Variants in CDH12 observed in about 807,000 individuals in gnomAD.
The protein encoded by CDH12 is cadherin 12, also known as cadherin-12.
Under a neutral mutation model 74.1 loss-of-function variants are expected in CDH12, and 41 were observed. That is an observed-to-expected ratio of 0.55 (90% CI 0.43 to 0.72). CDH12 has a LOEUF of 0.72. Ranked by LOEUF, CDH12 falls within the 30% of genes least tolerant of loss-of-function variation. The probability of loss-of-function intolerance (pLI) is 0.00; values close to 1 mark genes in which losing one functional copy is unlikely to be tolerated. For synonymous variants in CDH12, 399 were observed against 355.0 expected (o/e 1.12, Z -1.39); for missense variants, 945 against 977.2 (o/e 0.97, Z 0.44).
intron 3 of CDH12, among the ~76,000 whole-genome samples, chr5:22,284,926 A>C (rs2150409510): frequency 7.2e-6 from 1 of 138,060 alleles, no homozygotes; most frequent in African/African-American, 2.7e-5. Flanking sequence ...TAAAGGCAAA[A>C]GAGAAAAAAA....
intron 2 of CDH12, among the ~76,000 whole-genome samples, chr5:22,432,562 C>T (rs368352414): frequency 1.4e-4 from 21 of 149,342 alleles, no homozygotes; most frequent in African/African-American, 4.5e-4. Flanking sequence ...TGTGTGTGTG[C>T]GTGTGTGTGT....
At chr5:22,412,325 G>T (rs996565037) in intron 2 of CDH12, among the ~76,000 whole-genome samples, 3 of 152,020 alleles carry the variant, frequency 2.0e-5, no homozygotes, top group Non-Finnish European at 4.4e-5. Context: ...AACTGAATTA[G>T]ATTTCAAAGT....
At chr5:22,030,230 A>G (rs952528869) in intron 5 of CDH12, among the ~76,000 whole-genome samples, 25 of 152,092 alleles carry the variant, frequency 1.6e-4, no homozygotes, top group Admixed American at 1.6e-3. Context: ...TAACCTGCAC[A>G]TTGTACACAT....
intron 1 of CDH12, among the ~76,000 whole-genome samples, chr5:22,604,677 G>A (rs1311811905): frequency 6.6e-6 from 1 of 152,156 alleles, no homozygotes; most frequent in Non-Finnish European, 1.5e-5. Context: ...CTCTCATGTT[G>A]TGGGCCAAGG....
chr5:22,553,929 T>G (rs894161623), intron 1 of CDH12, among the ~76,000 whole-genome samples: 1 of 151,646 alleles, frequency 6.6e-6, no homozygotes, highest in East Asian at 1.9e-4. Flanking sequence ...AGTATAAACA[T>G]AAAAGAATAC....
chr5:21,889,595 C>G, intron 6 of CDH12: 2 of 985,386 alleles, frequency 2.0e-6, no homozygotes, highest in Non-Finnish European at 2.4e-6. Context: ...CTAAAGAAGC[C>G]TCTTTCCAGT....
chr5:22,349,171 G>T (rs963065636), intron 3 of CDH12, among the ~76,000 whole-genome samples: 3 of 152,108 alleles, frequency 2.0e-5, no homozygotes, highest in Admixed American at 2.0e-4. Flanking sequence ...ATCTACTGTT[G>T]CCTGATCTGG....
At chr5:22,851,587 T>C (rs1737559450) in intron 1 of CDH12, among the ~76,000 whole-genome samples, 1 of 152,116 alleles carries the variant, frequency 6.6e-6, no homozygotes, top group African/African-American at 2.4e-5. Context: ...GGAGAGACAG[T>C]TTCTAAATAT....
intron 4 of CDH12, among the ~76,000 whole-genome samples, chr5:22,099,353 G>A (rs916459092): frequency 2.6e-5 from 4 of 152,068 alleles, no homozygotes; most frequent in Non-Finnish European, 5.9e-5. Flanking sequence ...AAGGCAGAAC[G>A]GACTAATGAT....
chr5:22,366,397 A>C (rs2126323846), intron 3 of CDH12, among the ~76,000 whole-genome samples: 1 of 152,284 alleles, frequency 6.6e-6, no homozygotes, highest in East Asian at 1.9e-4. Context: ...TAAATATATA[A>C]ACAGACTGAT....
At chr5:22,675,273 T>C (rs1393038726) in intron 1 of CDH12, among the ~76,000 whole-genome samples, 2 of 152,170 alleles carry the variant, frequency 1.3e-5, no homozygotes, top group Non-Finnish European at 2.9e-5. Flanking sequence ...GGCCAACGTA[T>C]AGAGCTTGGG....
At chr5:22,794,294 T>C (rs1748075917) in intron 1 of CDH12, among the ~76,000 whole-genome samples, 1 of 152,214 alleles carries the variant, frequency 6.6e-6, no homozygotes, top group African/African-American at 2.4e-5. Context: ...ACCAGTTTTG[T>C]TAGCAGTGAA....
Position 21,764,977 on chromosome 5 carries a change from C to T in CDH12, c.1515+1G>A. On this transcript the variant is annotated splice_donor_variant, in intron 12 of 14. Coordinates refer to ENST00000382254, the MANE Select transcript of CDH12 (RefSeq NM_004061.5). LOFTEE classifies it high-confidence loss of function. ...CTCAAGGAACAATATTTATAAGATA[C>T]CTGTCCTGGCTTGGCATTTTCACAC... 1 of 1,613,632 alleles carries T rather than the reference C, an allele frequency of 6.2e-7. No individual in the cohort carries two copies. Among genetic ancestry groups the T allele is most frequent in the Non-Finnish European group, 8.5e-7 (1 of 1,179,722 alleles).
chr5:22,288,061 G>T (rs1444841028), intron 3 of CDH12, among the ~76,000 whole-genome samples: 1 of 152,068 alleles, frequency 6.6e-6, no homozygotes, highest in African/African-American at 2.4e-5. Context: ...ACCCTCTGCT[G>T]CCCTTAAATA....
In CDH12 at chr5:22,360,271, T is replaced by C. The variant is rs1398918450; in HGVS notation, c.-333+44986A>G. On this transcript the variant is annotated intron_variant, in intron 3 of 14. Transcript: ENST00000382254. ...GATATCACCACCGATCCCACAGAAA[T>C]ACAAAGTACCATCAGAGAATACTAT... Among the ~76,000 whole-genome samples the C allele has an allele frequency of 3.9e-5, 6 of 152,188 alleles. No homozygotes were observed. In the East Asian group the frequency reaches 9.7e-4, roughly 25 times the overall value.
At chr5:21,756,336 A>G (rs1266376197) in intron 13 of CDH12, among the ~76,000 whole-genome samples, 1 of 152,112 alleles carries the variant, frequency 6.6e-6, no homozygotes, top group African/African-American at 2.4e-5. Context: ...ATATGTTTGT[A>G]TGTATGGGAA....
chr5:22,074,352 T>TA (rs1245975273), intron 5 of CDH12, among the ~76,000 whole-genome samples: 2 of 152,054 alleles, frequency 1.3e-5, no homozygotes, highest in East Asian at 3.9e-4. Context: ...CCTAAAACCA[T>TA]AAAAACCCTA....
chr5:21,945,912 T>A (rs1226027871), intron 6 of CDH12, among the ~76,000 whole-genome samples: 1 of 151,252 alleles, frequency 6.6e-6, no homozygotes, highest in Non-Finnish European at 1.5e-5. Flanking sequence ...ATGGAAGACA[T>A]AAACCTAAAT....
intron 2 of CDH12, among the ~76,000 whole-genome samples, chr5:22,470,499 G>A (rs1306700392): frequency 6.6e-6 from 1 of 151,784 alleles, no homozygotes; most frequent in African/African-American, 2.4e-5. Context: ...GCTCACTGCA[G>A]CCTGGAACTC....
Sources: allele counts gnomAD v4.1 joint callset (sites outside exome capture counted in the v4.1 genomes callset), GRCh38; gene constraint gnomAD v4.1.1; transcripts MANE v1.5; gene names NCBI Gene and HGNC (gene_info 2026-07-23, HGNC 2026-07-21).